TIGAR: variants seen among roughly 807,000 people sequenced by gnomAD.
The protein encoded by TIGAR is TP53 induced glycolysis regulatory phosphatase.
TIGAR carries 7 observed loss-of-function variants against 17.9 expected under a neutral mutation model. The observed-to-expected ratio is 0.39, with a 90% CI of 0.22 to 0.73. The LOEUF (loss-of-function observed/expected upper bound fraction) is 0.73, where lower values mean the gene tolerates loss of function less well. TIGAR is among the 30% of genes least tolerant of loss of function. TIGAR has a pLI of 0.42. For missense variants in TIGAR, 258 were observed against 327.4 expected (o/e 0.79, Z 1.64); for synonymous variants, 94 against 108.6 (o/e 0.87, Z 0.84).
chr12:4,333,737 T>A (rs1864629182), intron 2 of TIGAR, among the ~76,000 whole-genome samples: 1 of 152,206 alleles, frequency 6.6e-6, no homozygotes, highest in African/African-American at 2.4e-5. Flanking sequence ...GTGCTGGGAT[T>A]GCAGGCGTTA....
In TIGAR at chr12:4,336,955, G is replaced by C; in HGVS notation, c.71-84G>C. 6 of 1,346,266 alleles carry C rather than the reference G, an allele frequency of 4.5e-6. No individual in the cohort carries two copies. The South Asian group carries it at 8.4e-5, about 19-fold the overall frequency. The allele number at this position is 1,346,266 out of a possible 1,614,324, so 83.4% of individuals were successfully genotyped here. ...ATCTTTCATTAAAATTTAGATAAAT[G>C]CAGCTTATATTTTCTACATGTGATT... On this transcript the variant is annotated intron_variant, in intron 2 of 5. Coordinates refer to ENST00000179259, the MANE Select transcript of TIGAR (RefSeq NM_020375.3).
At chr12:4,327,568 T>C (rs1416364086) in intron 1 of TIGAR, among the ~76,000 whole-genome samples, 1 of 152,208 alleles carries the variant, frequency 6.6e-6, no homozygotes, top group Non-Finnish European at 1.5e-5. Flanking sequence ...ACTTGGTTTT[T>C]ATTACAGGAA....
At chr12:4,342,755 A>G (rs1399457816) in intron 3 of TIGAR, among the ~76,000 whole-genome samples, 1 of 152,236 alleles carries the variant, frequency 6.6e-6, no homozygotes, top group East Asian at 1.9e-4. Context: ...ATGGAAAGGA[A>G]CAACCAGTAC....
At chr12:4,348,303 A>T (rs953363687) in intron 3 of TIGAR, among the ~76,000 whole-genome samples, 2 of 152,216 alleles carry the variant, frequency 1.3e-5, no homozygotes, top group African/African-American at 4.8e-5. Context: ...AATTTACAGA[A>T]TTGTTGAAAG....
Position 4,353,298 on chromosome 12 carries a change from G to T in TIGAR, c.*607G>T, listed in dbSNP as rs755526350. ...TCTGGGGGAAGAAGTTAAAACATTT[G>T]ATTTAAATACAGTAAAGAAAGAATC... On this transcript the variant is annotated 3_prime_UTR_variant, in exon 6 of 6. Coordinates refer to ENST00000179259, the MANE Select transcript of TIGAR (RefSeq NM_020375.3). 1.3e-5 allele frequency: 2 copies of T among 152,174 alleles called. No homozygotes were observed. The highest frequency in any genetic ancestry group is 2.9e-5 in the Non-Finnish European group (2 of 68,042). The allele number at this position is 152,174 out of a possible 1,614,324, so 9.4% of individuals were successfully genotyped here. A position where few individuals can be genotyped will look rare whatever the true frequency, so the allele number is the denominator to read the frequency against.
chr12:4,327,919 G>A (rs945752569), intron 1 of TIGAR, among the ~76,000 whole-genome samples: 3 of 152,088 alleles, frequency 2.0e-5, no homozygotes, highest in Non-Finnish European at 4.4e-5. Context: ...GCCTGCTTCG[G>A]CCTCCCAAAG....
intron 3 of TIGAR, among the ~76,000 whole-genome samples, chr12:4,338,243 T>A (rs1864682279): frequency 6.6e-6 from 1 of 152,246 alleles, no homozygotes; most frequent in Non-Finnish European, 1.5e-5. Context: ...ATCTCCCCTA[T>A]AAACAATTAG....
chr12:4,338,985 A>AG (rs1864690315), intron 3 of TIGAR, among the ~76,000 whole-genome samples: 1 of 147,758 alleles, frequency 6.8e-6, no homozygotes, highest in Non-Finnish European at 1.5e-5. Flanking sequence ...CACAAAAAAA[A>AG]AAAAAAAAAA....
At chr12:4,341,816 C>G (rs1453895238) in intron 3 of TIGAR, among the ~76,000 whole-genome samples, 2 of 152,196 alleles carry the variant, frequency 1.3e-5, no homozygotes, top group Non-Finnish European at 2.9e-5. Flanking sequence ...ACTGAAAATT[C>G]TAAAAATCAG....
rs1174748762 is a variant in TIGAR at position 4,357,600 on chromosome 12, A to G, written c.*4909A>G. On this transcript the variant is annotated 3_prime_UTR_variant, in exon 6 of 6. Transcript: ENST00000179259. ...TTGTGTCCAAACAAGATGGCTAAGT[A>G]GGTCGTCATGACAGGTAACTACCAG... Among the ~76,000 whole-genome samples the G allele has an allele frequency of 6.6e-6, 1 of 152,210 alleles. No homozygotes were observed.
intron 3 of TIGAR, among the ~76,000 whole-genome samples, chr12:4,345,097 T>G (rs919383780): frequency 3.9e-5 from 6 of 152,008 alleles, no homozygotes; most frequent in Admixed American, 6.6e-5. Context: ...CACTGCTCAA[T>G]GAAATAAAAG....
chr12:4,348,470 TTTC>T (rs1303070281), intron 3 of TIGAR, among the ~76,000 whole-genome samples: 1 of 152,248 alleles, frequency 6.6e-6, no homozygotes, highest in Non-Finnish European at 1.5e-5. Flanking sequence ...ATATTGATGA[TTTC>T]TTTATTGTGC....
intron 3 of TIGAR, among the ~76,000 whole-genome samples, chr12:4,346,084 A>G (rs566820832): frequency 1.8e-4 from 28 of 152,342 alleles, no homozygotes; most frequent in South Asian, 1.5e-3. Flanking sequence ...TAGAATGGCA[A>G]TCATTAAAAA....
In TIGAR at chr12:4,321,783, A is replaced by G. The variant is rs1317729468; in HGVS notation, c.32+480A>G. On this transcript the variant is annotated intron_variant, in intron 1 of 5. Coordinates refer to ENST00000179259, the MANE Select transcript of TIGAR (RefSeq NM_020375.3). This position sits in a 1 kb window ranked among gnomAD's most constrained non-coding sequence, Gnocchi z 5.2. The stretch of plus-strand genomic sequence containing the variant: ...TCCCCAGGCAGTCAGCCCCCCAGGC[A>G]CATATATGAGACTTCTTTCTTTTCC... 3.9e-5 allele frequency among the ~76,000 whole-genome samples: 6 copies of G among 152,128 alleles called. No homozygotes were observed. The East Asian group carries it at 5.8e-4, about 15-fold the overall frequency.
Position 4,349,997 on chromosome 12 carries a change from T to G in TIGAR, c.270+101T>G, listed in dbSNP as rs910265006. ...GTTAAATGCATTTCTGCTAGGGATT[T>G]CGAATCAGTGAAAATATTTAAGAAT... is the stretch of plus-strand genomic sequence containing the variant. On this transcript the variant is annotated intron_variant, in intron 4 of 5. Transcript: ENST00000179259. 3 of 774,884 alleles carry G rather than the reference T, an allele frequency of 3.9e-6. No homozygotes were observed. The African/African-American group carries it at 5.5e-5, about 14-fold the overall frequency. The allele number at this position is 774,884 out of a possible 1,614,324, so 48.0% of individuals were successfully genotyped here.
In TIGAR at chr12:4,321,992, A is replaced by T. The variant is rs967270657; in HGVS notation, c.32+689A>T. 8.7e-6 allele frequency among the ~76,000 whole-genome samples: 1 copy of T among 114,942 alleles called. No individual in the cohort carries two copies. Among genetic ancestry groups the T allele is most frequent in the Non-Finnish European group, 1.9e-5 (1 of 51,378 alleles). 75.4% of individuals were successfully genotyped at this position (114,942 alleles called of 152,430 possible). A position where few individuals can be genotyped will look rare whatever the true frequency, so the allele number is the denominator to read the frequency against. Reference sequence around the variant, plus strand: ...AGGGTAGTTAAGAGCACAGATTTTTATTTTTATTTTTTTTTTTTTGTGAGA... The same window carrying T: ...AGGGTAGTTAAGAGCACAGATTTTTTTTTTTATTTTTTTTTTTTTGTGAGA... On this transcript the variant is annotated intron_variant, in intron 1 of 5. Coordinates refer to ENST00000179259, the MANE Select transcript of TIGAR (RefSeq NM_020375.3). The surrounding 1 kb of genome is among the most constrained non-coding windows in gnomAD (Gnocchi z 5.2).
At chr12:4,346,256 GTA>G (rs1377194869) in intron 3 of TIGAR, among the ~76,000 whole-genome samples, 1 of 152,144 alleles carries the variant, frequency 6.6e-6, no homozygotes, top group African/African-American at 2.4e-5. Context: ...CCATTTCTGG[GTA>G]TATACCCAAA....
chr12:4,351,768 T>G (rs1047654036), intron 5 of TIGAR, among the ~76,000 whole-genome samples: 1 of 152,236 alleles, frequency 6.6e-6, no homozygotes, highest in Admixed American at 6.5e-5. Flanking sequence ...TGCTTGCATT[T>G]CTTTGGAGTG....
chr12:4,345,975 A>T lies in TIGAR; in HGVS notation c.193-3844A>T, dbSNP rs148618855. On this transcript the variant is annotated intron_variant, in intron 3 of 5. Coordinates refer to ENST00000179259, the MANE Select transcript of TIGAR (RefSeq NM_020375.3). ...TGAACAGACACTTCTCAAAAGAAGA[A>T]GTTTATGTAGCCAACAGACAGATGA... Among the ~76,000 whole-genome samples the T allele has an allele frequency of 7.2e-3, 1,092 of 152,344 alleles. 11 individuals carry two copies. The highest frequency in any genetic ancestry group is 0.024 in the African/African-American group (997 of 41,584).
Sources: gnomAD v4.1 joint callset for allele counts (sites outside exome capture counted in the v4.1 genomes callset) on GRCh38, gnomAD v4.1.1 for gene constraint, Gnocchi (gnomAD v3.1) non-coding constraint, MANE v1.5 for transcripts, NCBI Gene and HGNC (gene_info 2026-07-23, HGNC 2026-07-21) for gene names.